WTIP: variants seen among roughly 807,000 people sequenced by gnomAD.
WTIP encodes the protein Wilms tumor protein 1-interacting protein.
In WTIP, 23 loss-of-function variants were observed where a neutral mutation model predicts 41.7. That is an observed-to-expected ratio of 0.55 (90% CI 0.40 to 0.78). The LOEUF (loss-of-function observed/expected upper bound fraction) is 0.78, where lower values mean the gene tolerates loss of function less well. Among genes scored for constraint, WTIP ranks in the 30% least tolerant of loss-of-function variants. The probability of loss-of-function intolerance (pLI) is 0.00; values close to 1 mark genes in which losing one functional copy is unlikely to be tolerated. For missense variants in WTIP, 619 were observed against 610.5 expected (o/e 1.01, Z -0.15); for synonymous variants, 314 against 269.9 (o/e 1.16, Z -1.60).
rs1213545654 is a variant in WTIP at position 34,506,831 on chromosome 19, C to G, written c.*6562C>G. ...ATAAAACTGGTTAAAAATTGAGTCTCCCTGAAGTAGGTGCTCTTTCCCGTG... is the reference window on the plus strand; with the variant it reads ...ATAAAACTGGTTAAAAATTGAGTCTGCCTGAAGTAGGTGCTCTTTCCCGTG... On this transcript the variant is annotated 3_prime_UTR_variant, in exon 8 of 8. Coordinates refer to ENST00000590071, the MANE Select transcript of WTIP (RefSeq NM_001080436.2). The G allele has an allele frequency of 6.6e-6, 1 of 152,030 alleles. No individual in the cohort carries two copies. Among genetic ancestry groups the G allele is most frequent in the Non-Finnish European group, 1.5e-5 (1 of 68,010 alleles). The allele number at this position is 152,030 out of a possible 1,614,324, so 9.4% of individuals were successfully genotyped here.
intron 1 of WTIP, among the ~76,000 whole-genome samples, chr19:34,486,957 A>T (rs2075801013): frequency 1.3e-5 from 2 of 149,574 alleles, no homozygotes; most frequent in East Asian, 2.0e-4. Flanking sequence ...TAGAGACAGG[A>T]TCTAGCTCTG....
chr19:34,484,633 T>G (rs2075788174), intron 1 of WTIP, among the ~76,000 whole-genome samples: 1 of 152,076 alleles, frequency 6.6e-6, no homozygotes, highest in Admixed American at 6.5e-5. Context: ...CCGGCCCCTG[T>G]GTACTGCAGA....
chr19:34,491,470 C>T (rs1384948212), intron 2 of WTIP, among the ~76,000 whole-genome samples: 2 of 151,638 alleles, frequency 1.3e-5, no homozygotes, highest in African/African-American at 4.9e-5. Context: ...ATTACAGGCA[C>T]ACGCCACCAC....
rs2075916063 is a variant in WTIP, at chr19:34,507,242, A to T, written c.*6973A>T. The T allele has an allele frequency of 7.0e-6, 1 of 142,594 alleles. No individual in the cohort carries two copies. Among genetic ancestry groups the T allele is most frequent in the Non-Finnish European group, 1.5e-5 (1 of 64,532 alleles). The allele number at this position is 142,594 out of a possible 1,614,324, so 8.8% of individuals were successfully genotyped here. On this transcript the variant is annotated 3_prime_UTR_variant, in exon 8 of 8. Transcript: ENST00000590071. ...CCGTCTCAAAAAAAAAAAAAAAAAA[A>T]AAAATTGTATTCGGCCTATGATGAA...
chr19:34,482,427 C>T lies in WTIP; in HGVS notation c.453C>T (p.Gly151=). 1 of 1,345,832 alleles carries T rather than the reference C, an allele frequency of 7.4e-7. No individual in the cohort carries two copies. Among genetic ancestry groups the T allele is most frequent in the Non-Finnish European group, 9.5e-7 (1 of 1,047,670 alleles). The allele number at this position is 1,345,832 out of a possible 1,614,324, so 83.4% of individuals were successfully genotyped here. ...RSSVSSLGSR[G]SAGAYADFLP... ...GCGTTTCCAGCCTCGGCTCCCGGGG[C>T]TCGGCCGGCGCCTACGCTGACTTCC... The change falls in exon 1 of 8, where the codon GGC becomes GGT. Residue 151 remains glycine (G), a synonymous_variant. Coordinates refer to ENST00000590071, the MANE Select transcript of WTIP (RefSeq NM_001080436.2).
At chr19:34,486,665 C>T (rs993880218) in intron 1 of WTIP, among the ~76,000 whole-genome samples, 5 of 152,044 alleles carry the variant, frequency 3.3e-5, no homozygotes, top group Admixed American at 1.3e-4. Context: ...CGCGCCTGGC[C>T]GCCTTTGTCA....
chr19:34,499,405 G>A (rs2075872463), intron 7 of WTIP, among the ~76,000 whole-genome samples: 2 of 152,028 alleles, frequency 1.3e-5, no homozygotes, highest in Admixed American at 6.6e-5. Context: ...CTACTCAGGA[G>A]GCTGAGGTGG....
chr19:34,494,200 G>A (rs1359059023), intron 5 of WTIP, among the ~76,000 whole-genome samples: 1 of 152,136 alleles, frequency 6.6e-6, no homozygotes, highest in African/African-American at 2.4e-5. Flanking sequence ...GCAGATGGCA[G>A]AGCAGAACCT....
Position 34,482,511 on chromosome 19 carries a change from C to G in WTIP, c.537C>G (p.Pro179=), listed in dbSNP as rs1238774056. The change falls in exon 1 of 8, where the codon CCC becomes CCG. Residue 179 remains proline (P), a synonymous_variant. Transcript: ENST00000590071. ...ARSPEPAGPA[P]FPLPALPLPP... ...CCCCGGAGCCTGCGGGGCCGGCTCC[C>G]TTCCCGCTGCCTGCACTCCCGCTGC... 1.9e-4 allele frequency: 229 copies of G among 1,229,022 alleles called. No homozygotes were observed. The highest frequency in any genetic ancestry group is 3.2e-4 in the Middle Eastern group (1 of 3,170). 76.1% of individuals were successfully genotyped at this position (1,229,022 alleles called of 1,614,324 possible). A position where few individuals can be genotyped will look rare whatever the true frequency, so the allele number is the denominator to read the frequency against.
chr19:34,482,064 C>G lies in WTIP; in HGVS notation c.90C>G (p.Pro30=). The G allele has an allele frequency of 2.9e-6, 3 of 1,034,426 alleles. No individual in the cohort carries two copies. Among genetic ancestry groups the G allele is most frequent in the Non-Finnish European group, 3.5e-6 (3 of 863,110 alleles). The allele number at this position is 1,034,426 out of a possible 1,614,324, so 64.1% of individuals were successfully genotyped here. A position where few individuals can be genotyped will look rare whatever the true frequency, so the allele number is the denominator to read the frequency against. ...AGCTGGAGCCCGGGTGCGGCTCTCCCGGTCGGGGGCGGCGGGGGCCGCGGC... is the reference window on the plus strand; with the variant it reads ...AGCTGGAGCCCGGGTGCGGCTCTCCGGGTCGGGGGCGGCGGGGGCCGCGGC... ...LRELEPGCGS[P]GRGRRGPRPG... Residue 30 remains proline (P), a synonymous_variant, in exon 1 of 8, where the codon CCC becomes CCG. Coordinates refer to ENST00000590071, the MANE Select transcript of WTIP (RefSeq NM_001080436.2).
chr19:34,494,547 C>G (rs777237099), intron 5 of WTIP, 39 bp from the exon 6 acceptor site: 4 of 1,606,564 alleles, frequency 2.5e-6, no homozygotes, highest in Non-Finnish European at 1.7e-6. Flanking sequence ...GGCCTCTGGT[C>G]ACTCAGCTGA....
intron 1 of WTIP, among the ~76,000 whole-genome samples, chr19:34,484,312 C>G (rs2075786502): frequency 6.6e-6 from 1 of 152,058 alleles, no homozygotes; most frequent in African/African-American, 2.4e-5. Flanking sequence ...GCAGAGGAGG[C>G]CAGGCGGGAT....
rs985275886 is a variant in WTIP at position 34,482,217 on chromosome 19, C to G, written c.243C>G (p.Leu81=). The G allele has an allele frequency of 2.4e-4, 279 of 1,149,162 alleles. 1 individual carries two copies. The highest frequency in any genetic ancestry group is 2.9e-4 in the Non-Finnish European group (269 of 938,824). 71.2% of individuals were successfully genotyped at this position (1,149,162 alleles called of 1,614,324 possible). The part of the protein sequence containing the change: ...RGPRRAAVPE[L]SAQPAGSPRA... ...CCCGGCGCGCGGCGGTTCCGGAGCTCAGCGCGCAGCCTGCGGGCAGCCCAC... is the reference window on the plus strand; with the variant it reads ...CCCGGCGCGCGGCGGTTCCGGAGCTGAGCGCGCAGCCTGCGGGCAGCCCAC... The change falls in exon 1 of 8, where the codon CTC becomes CTG. Residue 81 remains leucine (L), a synonymous_variant. Transcript: ENST00000590071.
In WTIP at chr19:34,482,627, C is replaced by T. The variant is rs1459091223; in HGVS notation, c.653C>T (p.Ala218Val). 5.7e-6 allele frequency: 7 copies of T among 1,229,258 alleles called. No individual in the cohort carries two copies. Among genetic ancestry groups the T allele is most frequent in the East Asian group, 3.2e-5 (1 of 31,516 alleles). The allele number at this position is 1,229,258 out of a possible 1,614,324, so 76.1% of individuals were successfully genotyped here. Residue 218 changes from alanine (A) to valine (V), a missense_variant, in exon 1 of 8, where the codon GCG (alanine) becomes GTG (valine). This residue lies in a region of WTIP where 164 missense variants were observed against 219.1 expected (regional missense o/e 0.75). Coordinates refer to ENST00000590071, the MANE Select transcript of WTIP (RefSeq NM_001080436.2). Reference protein sequence around the residue: ...ELERALEARTARDYFGICIKC... With the variant: ...ELERALEARTVRDYFGICIKC... ...GAGCGGGCGCTCGAGGCGCGCACGG[C>T]GCGGGACTACTTCGGTGAGCTCGCT...
At chr19:34,491,925 T>A (rs2075827417) in intron 2 of WTIP, among the ~76,000 whole-genome samples, 1 of 152,176 alleles carries the variant, frequency 6.6e-6, no homozygotes, top group African/African-American at 2.4e-5. Flanking sequence ...ATTACAGGCG[T>A]GAGCCACCGC....
Position 34,505,171 on chromosome 19 carries a change from G to A in WTIP, c.*4902G>A, listed in dbSNP as rs2075906127. 6.6e-6 allele frequency: 1 copy of A among 152,394 alleles called. No individual in the cohort carries two copies. Among genetic ancestry groups the A allele is most frequent in the South Asian group, 2.1e-4 (1 of 4,836 alleles). The allele number at this position is 152,394 out of a possible 1,614,324, so 9.4% of individuals were successfully genotyped here. A position where few individuals can be genotyped will look rare whatever the true frequency, so the allele number is the denominator to read the frequency against. On this transcript the variant is annotated 3_prime_UTR_variant, in exon 8 of 8. Transcript: ENST00000590071. ...CCAGCCTGGGTGGGGGCTCAGAGGT[G>A]GGAGGGGCCCTGAGGCCTGAGGTGG... is the stretch of plus-strand genomic sequence containing the variant.
chr19:34,494,050 T>A (rs1179320934), intron 5 of WTIP, among the ~76,000 whole-genome samples: 1 of 152,088 alleles, frequency 6.6e-6, no homozygotes, highest in Non-Finnish European at 1.5e-5. Flanking sequence ...TCCTGGGAGC[T>A]CTGGTTCTGA....
chr19:34,499,467 C>T (rs1419160526), intron 7 of WTIP, among the ~76,000 whole-genome samples: 2 of 152,164 alleles, frequency 1.3e-5, no homozygotes, highest in East Asian at 3.8e-4. Context: ...GGGATCCAGA[C>T]ACTGCATTCC....
chr19:34,494,077 G>T (rs1042827204), intron 5 of WTIP, among the ~76,000 whole-genome samples: 5 of 152,156 alleles, frequency 3.3e-5, no homozygotes, highest in African/African-American at 1.2e-4. Context: ...CCTTCCGTGG[G>T]ATTGGAGTCC....
Sources: allele counts gnomAD v4.1 joint callset (sites outside exome capture counted in the v4.1 genomes callset), GRCh38; gene constraint gnomAD v4.1.1; regional missense constraint gnomAD v4.1.1; transcripts MANE v1.5; gene names NCBI Gene and HGNC (gene_info 2026-07-23, HGNC 2026-07-21).